The following ZNF710 variants were observed in gnomAD, a reference collection of about 807,000 sequenced individuals.
ZNF710 encodes the protein zinc finger protein 710.
ZNF710 carries 13 observed loss-of-function variants against 50.6 expected under a neutral mutation model. The ratio of observed to expected loss-of-function variants is 0.26; its 90% confidence interval spans 0.17 to 0.41. The LOEUF (loss-of-function observed/expected upper bound fraction) is 0.41. Ranked by LOEUF, ZNF710 falls within the 10% of genes least tolerant of loss-of-function variation. ZNF710 has a pLI of 1.00. For synonymous variants in ZNF710, 383 were observed against 397.0 expected (o/e 0.96, Z 0.42); for missense variants, 721 against 936.6 (o/e 0.77, Z 3.01).
At chr15:90,060,575 C>A (rs1016033619) in intron 1 of ZNF710, among the ~76,000 whole-genome samples, 3 of 151,910 alleles carry the variant, frequency 2.0e-5, no homozygotes, top group African/African-American at 7.3e-5. Context: ...AAAGTCAGGC[C>A]GGGCGCAGTA....
At chr15:90,065,995 C>T (rs1374374550) in intron 1 of ZNF710, among the ~76,000 whole-genome samples, 1 of 152,198 alleles carries the variant, frequency 6.6e-6, no homozygotes, top group Non-Finnish European at 1.5e-5. Context: ...TGGCCTCAAA[C>T]ATGTTAGCTG....
chr15:90,070,825 G>A (rs937699897), intron 2 of ZNF710, among the ~76,000 whole-genome samples: 9 of 152,194 alleles, frequency 5.9e-5, no homozygotes, highest in African/African-American at 2.2e-4. Context: ...TCTCCAAAAA[G>A]AGAAAAGGAT....
At chr15:90,066,928 A>T (rs1900186699) in intron 1 of ZNF710, among the ~76,000 whole-genome samples, 182 bp from the exon 2 acceptor site, 1 of 152,204 alleles carries the variant, frequency 6.6e-6, no homozygotes, top group South Asian at 2.1e-4. Flanking sequence ...AGATGGTCAG[A>T]TACACAGCAG....
At chr15:90,036,656 G>A (rs934770393) in intron 1 of ZNF710, among the ~76,000 whole-genome samples, 6 of 152,216 alleles carry the variant, frequency 3.9e-5, no homozygotes, top group Admixed American at 2.6e-4. Context: ...CTCCCATGCA[G>A]GCCTCGAGCT....
At chr15:90,070,776 G>A (rs962916717) in intron 2 of ZNF710, among the ~76,000 whole-genome samples, 2 of 152,194 alleles carry the variant, frequency 1.3e-5, no homozygotes, top group African/African-American at 4.8e-5. Flanking sequence ...CTGTGATTGC[G>A]CCACTGCACT....
At chr15:90,002,938 A>T (rs1335863188) in intron 1 of ZNF710, among the ~76,000 whole-genome samples, 1 of 151,878 alleles carries the variant, frequency 6.6e-6, no homozygotes, top group Non-Finnish European at 1.5e-5. Context: ...CAGTGGCGCG[A>T]TCTCGGCTCA....
In ZNF710 at chr15:90,034,978, T is replaced by C. The variant is rs1899074905; in HGVS notation, c.-28-32132T>C. The stretch of plus-strand genomic sequence containing the variant: ...GGCTTCCCTGCTGGTAGAAGGGGTG[T>C]CTGGAGGGCCTCTGCCTTCCGTCAT... On this transcript the variant is annotated intron_variant, in intron 1 of 4. Transcript: ENST00000268154. The surrounding 1 kb of genome is among the most constrained non-coding windows in gnomAD (Gnocchi z 4.0). Among the ~76,000 whole-genome samples, 2 of 151,988 alleles carry C rather than the reference T, an allele frequency of 1.3e-5. No individual in the cohort carries two copies. The highest frequency in any genetic ancestry group is 2.4e-5 in the African/African-American group (1 of 41,358).
At chr15:90,078,584 G>A (rs189531091) in intron 4 of ZNF710, among the ~76,000 whole-genome samples, 2 of 152,386 alleles carry the variant, frequency 1.3e-5, no homozygotes, top group African/African-American at 4.8e-5. Context: ...AACTGAGCAT[G>A]AGTTTGTCTT....
chr15:90,005,600 C>T (rs1567217224), intron 1 of ZNF710, among the ~76,000 whole-genome samples: 1 of 152,174 alleles, frequency 6.6e-6, no homozygotes, highest in Non-Finnish European at 1.5e-5. Flanking sequence ...AGGCATGCGC[C>T]ACTACACCCA....
At chr15:90,054,463 G>T (rs538679511) in intron 1 of ZNF710, among the ~76,000 whole-genome samples, 63 of 152,320 alleles carry the variant, frequency 4.1e-4, no homozygotes, top group African/African-American at 1.5e-3. Context: ...ATCCCTGAGA[G>T]CTGAGGTGGA....
chr15:90,008,208 G>A (rs1898186428), intron 1 of ZNF710, among the ~76,000 whole-genome samples: 1 of 151,716 alleles, frequency 6.6e-6, no homozygotes, highest in Non-Finnish European at 1.5e-5. Flanking sequence ...TAATTAATGT[G>A]TATGGCTCAC....
At chr15:90,022,286 G>A (rs548657090) in intron 1 of ZNF710, among the ~76,000 whole-genome samples, 8 of 152,254 alleles carry the variant, frequency 5.3e-5, no homozygotes, top group African/African-American at 1.9e-4. Flanking sequence ...TGAGGCAGGA[G>A]AATCGCTTGA....
chr15:90,043,544 G>T (rs1484554835), intron 1 of ZNF710, among the ~76,000 whole-genome samples: 2 of 152,226 alleles, frequency 1.3e-5, no homozygotes, highest in African/African-American at 4.8e-5. Context: ...TGTTTCTCCA[G>T]TGGAACTGAA....
chr15:90,045,506 AG>A, intron 1 of ZNF710: 1 of 708,810 alleles, frequency 1.4e-6, no homozygotes, highest in Non-Finnish European at 1.7e-6. Context: ...GAGTCCACTC[AG>A]GCCAAGGCCT....
At chr15:90,035,126 G>C (rs931196216) in intron 1 of ZNF710, among the ~76,000 whole-genome samples, 1 of 152,210 alleles carries the variant, frequency 6.6e-6, no homozygotes, top group Admixed American at 6.5e-5. Context: ...GGCCAGGCTG[G>C]GCACAGGCAC....
chr15:90,077,244 T>G (rs1170442500), intron 4 of ZNF710, among the ~76,000 whole-genome samples: 2 of 143,626 alleles, frequency 1.4e-5, no homozygotes, highest in African/African-American at 2.6e-5. Context: ...AGGTGCTTTT[T>G]TTTTTTTTTT....
chr15:90,015,118 T>C (rs7167516), intron 1 of ZNF710, among the ~76,000 whole-genome samples: 17,565 of 152,110 alleles, frequency 0.12, 2,260 homozygotes, highest in African/African-American at 0.32. Flanking sequence ...CTTGAACTCT[T>C]GACCTCAGGT....
intron 1 of ZNF710, among the ~76,000 whole-genome samples, chr15:90,008,734 T>C (rs1596262287): frequency 6.6e-6 from 1 of 150,976 alleles, no homozygotes; most frequent in East Asian, 1.9e-4. Context: ...TGAGCTATGA[T>C]GGCCTCAGTG....
At chr15:90,002,402 C>T (rs1160710656) in intron 1 of ZNF710, 1 of 15,098 alleles carries the variant, frequency 6.6e-5, no homozygotes, top group Non-Finnish European at 1.5e-4. Context: ...GGGTGGCGGG[C>T]GGGGTCCCTA....
Sources: allele counts gnomAD v4.1 joint callset (sites outside exome capture counted in the v4.1 genomes callset), GRCh38; gene constraint gnomAD v4.1.1; non-coding constraint Gnocchi (gnomAD v3.1); transcripts MANE v1.5; gene names NCBI Gene and HGNC (gene_info 2026-07-23, HGNC 2026-07-21).